TRAK1: variants seen among roughly 807,000 people sequenced by gnomAD.
TRAK1 encodes the protein trafficking kinesin protein 1, also known as trafficking kinesin-binding protein 1.
TRAK1 carries 33 observed loss-of-function variants against 92.1 expected under a neutral mutation model. That is an observed-to-expected ratio of 0.36 (90% CI 0.27 to 0.48). The LOEUF (loss-of-function observed/expected upper bound fraction) is 0.48, where lower values mean the gene tolerates loss of function less well. Ranked by LOEUF, TRAK1 falls within the 20% of genes least tolerant of loss-of-function variation. The probability of loss-of-function intolerance (pLI) is 0.99; values close to 1 mark genes in which losing one functional copy is unlikely to be tolerated. For synonymous variants in TRAK1, 521 were observed against 517.3 expected (o/e 1.01, Z -0.10); for missense variants, 1,123 against 1,257.9 (o/e 0.89, Z 1.62).
At position 42,063,274 on chromosome 3, in the gene TRAK1, A is replaced by C. The variant is rs1389955944; in HGVS notation, c.-518-23830A>C. 2.0e-5 allele frequency among the ~76,000 whole-genome samples: 3 copies of C among 152,322 alleles called. No homozygotes were observed. The East Asian group carries it at 5.8e-4, about 29-fold the overall frequency. Reference sequence around the variant, plus strand: ...TTATTATTTTCCGCTTCGCGGGAAAAGTTTGCCAAGCCCTGCCCTAAGCCA... The same window carrying C: ...TTATTATTTTCCGCTTCGCGGGAAACGTTTGCCAAGCCCTGCCCTAAGCCA... On this transcript the variant is annotated intron_variant, in intron 1 of 16. Coordinates refer to the TRAK1 transcript ENST00000487159.
chr3:42,113,376 C>T (rs916558645), intron 1 of TRAK1, among the ~76,000 whole-genome samples: 39 of 87,134 alleles, frequency 4.5e-4, no homozygotes, highest in Non-Finnish European at 7.4e-4. Flanking sequence ...ACGCCTACCC[C>T]TACCCCTACC....
chr3:42,183,701 C>G (rs929810628), intron 3 of TRAK1, among the ~76,000 whole-genome samples: 9 of 152,156 alleles, frequency 5.9e-5, no homozygotes, highest in Middle Eastern at 3.4e-3. Flanking sequence ...TTTTCCTACC[C>G]CAAACGACAT....
At chr3:42,190,938 GCTT>G (rs887868015) in intron 6 of TRAK1, among the ~76,000 whole-genome samples, 3 of 152,082 alleles carry the variant, frequency 2.0e-5, no homozygotes, top group African/African-American at 7.2e-5. Flanking sequence ...TGGTCTCGGG[GCTT>G]CTTCTTTGGG....
chr3:42,070,533 T>C (rs1430844852), intron 1 of TRAK1, among the ~76,000 whole-genome samples: 2 of 152,078 alleles, frequency 1.3e-5, no homozygotes, highest in Non-Finnish European at 2.9e-5. Context: ...GCTAAAGCAA[T>C]ACTCCCATCT....
intron 1 of TRAK1, among the ~76,000 whole-genome samples, chr3:42,041,381 A>G (rs976111185): frequency 6.6e-6 from 1 of 152,134 alleles, no homozygotes; most frequent in Non-Finnish European, 1.5e-5. Context: ...GTTATTATAA[A>G]TGGAATAATT....
rs544615832 is a variant in TRAK1, at chr3:42,161,770, A to G, written c.287-15044A>G. The stretch of plus-strand genomic sequence containing the variant: ...AAGCCAGGGGAGGGTGAGGGACCCA[A>G]TGCTGAGGCCTGCATTCTGGCTGGT... On this transcript the variant is annotated intron_variant, in intron 2 of 15. Coordinates refer to ENST00000327628, the MANE Select transcript of TRAK1 (RefSeq NM_001042646.3). Among the ~76,000 whole-genome samples the G allele has an allele frequency of 5.3e-5, 8 of 152,320 alleles. No individual in the cohort carries two copies. In the East Asian group the frequency reaches 9.6e-4, roughly 18 times the overall value.
At chr3:42,026,125 A>G (rs1263780422) in intron 1 of TRAK1, among the ~76,000 whole-genome samples, 2 of 151,116 alleles carry the variant, frequency 1.3e-5, no homozygotes, top group Non-Finnish European at 2.9e-5. Flanking sequence ...TCCTTTCTAT[A>G]CTTCCTTCTT....
At chr3:42,109,922 A>G (rs181137895) in intron 1 of TRAK1, among the ~76,000 whole-genome samples, 269 of 151,054 alleles carry the variant, frequency 1.8e-3, no homozygotes, top group East Asian at 4.7e-3. Flanking sequence ...TGGACACAGG[A>G]TGGGGAACAT....
At chr3:42,071,472 C>G (rs984147147) in intron 1 of TRAK1, among the ~76,000 whole-genome samples, 1 of 152,074 alleles carries the variant, frequency 6.6e-6, no homozygotes, top group African/African-American at 2.4e-5. Flanking sequence ...CTTTGGGAGG[C>G]TGAGGTGGGC....
intron 1 of TRAK1, among the ~76,000 whole-genome samples, chr3:42,058,097 T>C (rs967938697): frequency 6.6e-6 from 1 of 152,200 alleles, no homozygotes; most frequent in Non-Finnish European, 1.5e-5. Flanking sequence ...CTCTTACTGC[T>C]CTGCCACAGT....
In TRAK1 at chr3:42,176,913, A is replaced by G. The variant is rs754132893; in HGVS notation, c.363+23A>G. On this transcript the variant is annotated intron_variant, in intron 3 of 15. Transcript: ENST00000327628. ...GAGGTAAGTGCTCCAGGGGAAGGCA[A>G]AAGAGTTGTTTATAATTGACTGGTT... 1.1e-5 allele frequency: 17 copies of G among 1,608,342 alleles called. No individual in the cohort carries two copies. In the Admixed American group the frequency reaches 1.7e-4, roughly 16 times the overall value.
intron 2 of TRAK1, among the ~76,000 whole-genome samples, chr3:42,134,578 CT>C (rs547455969): frequency 2.3e-3 from 173 of 76,450 alleles, no homozygotes; most frequent in African/African-American, 7.8e-3. Context: ...TGCCTGGTCT[CT>C]TTTTTTTTTT....
At chr3:42,026,404 T>A (rs1701917160) in intron 1 of TRAK1, among the ~76,000 whole-genome samples, 1 of 152,202 alleles carries the variant, frequency 6.6e-6, no homozygotes, top group African/African-American at 2.4e-5. Flanking sequence ...CTCAATGGAC[T>A]GATAAGCTAG....
intron 1 of TRAK1, among the ~76,000 whole-genome samples, chr3:42,069,546 G>A (rs918939434): frequency 1.3e-5 from 2 of 152,054 alleles, no homozygotes; most frequent in African/African-American, 4.8e-5. Context: ...ATTTTTACAT[G>A]TCTCACTTTT....
chr3:42,205,070 G>GT (rs1417784214), intron 13 of TRAK1, among the ~76,000 whole-genome samples: 1 of 152,180 alleles, frequency 6.6e-6, no homozygotes, highest in Non-Finnish European at 1.5e-5. Context: ...TTCCTATTTA[G>GT]TTGTGGTTGT....
Position 42,193,097 on chromosome 3 carries a change from T to G in TRAK1, c.792T>G (p.Ala264=). Residue 264 remains alanine, a synonymous_variant, in exon 8 of 16, where the codon GCT becomes GCG. Coordinates refer to ENST00000327628, the MANE Select transcript of TRAK1 (RefSeq NM_001042646.3). ...KELRDANVQI[A]SISEELAKKT... is the part of the protein sequence containing the mutation. The stretch of plus-strand genomic sequence containing the variant: ...AAGGGGATGCCAATGTCCAGATTGC[T>G]AGTATCTCAGAGGAACTGGCCAAGA... The G allele has an allele frequency of 6.2e-7, 1 of 1,614,148 alleles. No homozygotes were observed. Among genetic ancestry groups the G allele is most frequent in the Non-Finnish European group, 8.5e-7 (1 of 1,179,984 alleles).
intron 1 of TRAK1, among the ~76,000 whole-genome samples, chr3:42,100,857 CA>C (rs1706653104): frequency 6.6e-6 from 1 of 152,072 alleles, no homozygotes; most frequent in African/African-American, 2.4e-5. Context: ...TTAGTAGAGA[CA>C]GGGTTTCACC....
intron 14 of TRAK1, chr3:42,211,061 G>C (rs1170176469): frequency 1.0e-6 from 1 of 985,324 alleles, no homozygotes; most frequent in East Asian, 1.1e-4. Flanking sequence ...GGGAGACTGA[G>C]AAAAAATGAA....
At chr3:42,115,064 TTATC>T (rs1708997616) in intron 1 of TRAK1, among the ~76,000 whole-genome samples, 1 of 152,194 alleles carries the variant, frequency 6.6e-6, no homozygotes, top group South Asian at 2.1e-4. Flanking sequence ...CAAAAGTATT[TTATC>T]TTTTTATTTC....
Sources: gnomAD v4.1 joint callset for allele counts (sites outside exome capture counted in the v4.1 genomes callset) on GRCh38, gnomAD v4.1.1 for gene constraint, MANE v1.5 for transcripts, NCBI Gene and HGNC (gene_info 2026-07-23, HGNC 2026-07-21) for gene names.